Variants in TNS3 observed in about 807,000 individuals in gnomAD.
TNS3 encodes tensin 3, also known as tensin-3.
A neutral mutation model predicts 140.9 loss-of-function variants in TNS3; 45 were observed. The ratio of observed to expected loss-of-function variants is 0.32; its 90% confidence interval spans 0.25 to 0.41. TNS3 has a LOEUF of 0.41. TNS3 is among the 10% of genes least tolerant of loss of function. The probability of loss-of-function intolerance (pLI) is 1.00; values close to 1 mark genes in which losing one functional copy is unlikely to be tolerated. For synonymous variants in TNS3, 815 were observed against 788.4 expected, an observed-to-expected ratio of 1.03 and a Z score of -0.56; for missense variants, 1,716 against 1,906.7, an observed-to-expected ratio of 0.90 and a Z score of 1.86.
In TNS3 at chr7:47,346,286, A is replaced by C. The variant is rs1045978527; in HGVS notation, c.2352T>G (p.Ala784=). ...ATTTGGAGAAGGGCAGCTGCCCCCCAGCATCGTTGTCGTACTGCCCCAGGC... is the reference window on the plus strand; with the variant it reads ...ATTTGGAGAAGGGCAGCTGCCCCCCCGCATCGTTGTCGTACTGCCCCAGGC... The part of the protein sequence containing the change: ...KLSLGQYDND[A]GGQLPFSKCA... The change falls in exon 18 of 31, where the codon GCT becomes GCG. Residue 784 remains alanine (A), a synonymous_variant. Transcript: ENST00000311160. The C allele has an allele frequency of 1.2e-6, 2 of 1,614,202 alleles. No individual in the cohort carries two copies. The highest frequency in any genetic ancestry group is 2.2e-5 in the South Asian group (2 of 91,082).
Position 47,502,390 on chromosome 7 carries a change from G to A in TNS3, c.-115+4517C>T, listed in dbSNP as rs554575617. Among the ~76,000 whole-genome samples, 13 of 152,312 alleles carry A rather than the reference G, an allele frequency of 8.5e-5. No homozygotes were observed. The South Asian group carries it at 1.9e-3, about 22-fold the overall frequency. ...GTTAGGCCACTGAGCGTCTGTTGAC[G>A]CCCAGGATGAATGTCTAGGGACAGT... On this transcript the variant is annotated intron_variant, in intron 3 of 30. Transcript: ENST00000311160.
intron 1 of TNS3, among the ~76,000 whole-genome samples, chr7:47,578,704 G>C (rs1344047834): frequency 2.0e-5 from 3 of 152,222 alleles, no homozygotes; most frequent in Non-Finnish European, 4.4e-5. Context: ...TGCAGTGATG[G>C]ATGTGTACCA....
At chr7:47,573,201 C>T (rs1277522068) in intron 1 of TNS3, among the ~76,000 whole-genome samples, 2 of 152,206 alleles carry the variant, frequency 1.3e-5, no homozygotes, top group Non-Finnish European at 2.9e-5. Flanking sequence ...TGCTAATATG[C>T]CCTTTGTTGA....
At chr7:47,533,899 A>T (rs1229726543) in intron 1 of TNS3, among the ~76,000 whole-genome samples, 1 of 152,154 alleles carries the variant, frequency 6.6e-6, no homozygotes, top group Non-Finnish European at 1.5e-5. Context: ...AGTCCATTAA[A>T]TCCTTTTTCC....
chr7:47,431,608 C>T (rs1432377343), intron 8 of TNS3, among the ~76,000 whole-genome samples: 2 of 152,172 alleles, frequency 1.3e-5, no homozygotes, highest in Middle Eastern at 3.4e-3. Flanking sequence ...CAAAACAAAA[C>T]ACAAAACCTA....
chr7:47,283,006 G>C (rs7783545), intron 28 of TNS3, among the ~76,000 whole-genome samples: 62,167 of 151,962 alleles, frequency 0.41, 13,002 homozygotes, highest in Non-Finnish European at 0.44. Context: ...TGTGATGGCT[G>C]CTGCCATCAT....
chr7:47,575,120 C>T (rs77295175), intron 1 of TNS3, among the ~76,000 whole-genome samples: 3,259 of 152,246 alleles, frequency 0.021, 108 homozygotes, highest in African/African-American at 0.07. Context: ...CTACGATCTG[C>T]CCAAAGACCT....
intron 3 of TNS3, among the ~76,000 whole-genome samples, chr7:47,499,795 A>G (rs1424295370): frequency 6.6e-6 from 1 of 152,116 alleles, no homozygotes; most frequent in Admixed American, 6.5e-5. Flanking sequence ...CTTATCATGC[A>G]CCTGTCCAAA....
At chr7:47,461,661 G>A (rs1376674976) in intron 4 of TNS3, among the ~76,000 whole-genome samples, 3 of 152,254 alleles carry the variant, frequency 2.0e-5, no homozygotes, top group African/African-American at 7.2e-5. Context: ...TTCAAAAGCT[G>A]ACCAAATGAC....
chr7:47,323,878 A>C (rs1787885577), intron 20 of TNS3, among the ~76,000 whole-genome samples: 1 of 152,236 alleles, frequency 6.6e-6, no homozygotes, highest in East Asian at 1.9e-4. Context: ...AATGATAAAT[A>C]AATCCACAGT....
chr7:47,318,179 A>G (rs1787521891), intron 20 of TNS3, among the ~76,000 whole-genome samples: 2 of 152,234 alleles, frequency 1.3e-5, no homozygotes, highest in Admixed American at 6.5e-5. Context: ...GGAATCATAC[A>G]GAATTTGTCT....
In TNS3 at chr7:47,315,137, T is replaced by G. The variant is rs1389690517; in HGVS notation, c.2651-10134A>C. On this transcript the variant is annotated intron_variant, in intron 20 of 30. Transcript: ENST00000311160. ...ATCTTGGGCCCTGAACAGACGCTCC[T>G]TTTAGTTCCAGCATCCTGCTGGCTC... is the stretch of plus-strand genomic sequence containing the variant. Among the ~76,000 whole-genome samples the G allele has an allele frequency of 2.6e-5, 4 of 152,226 alleles. No homozygotes were observed. In the East Asian group the frequency reaches 7.7e-4, roughly 29 times the overall value.
chr7:47,412,099 G>A (rs2151414858), intron 12 of TNS3, among the ~76,000 whole-genome samples: 1 of 152,304 alleles, frequency 6.6e-6, no homozygotes, highest in East Asian at 1.9e-4. Context: ...GGGGCCCAGG[G>A]TGTGCACAGC....
At chr7:47,309,261 CTCTAA>C (rs1336686268) in intron 20 of TNS3, among the ~76,000 whole-genome samples, 2 of 152,142 alleles carry the variant, frequency 1.3e-5, no homozygotes, top group African/African-American at 4.8e-5. Flanking sequence ...AAGCATACAT[CTCTAA>C]TCTTTCATAT....
At position 47,543,463 on chromosome 7, in the gene TNS3, G is replaced by T. The variant is rs368422407; in HGVS notation, c.-264-14316C>A. Among the ~76,000 whole-genome samples the T allele has an allele frequency of 1.7e-4, 26 of 152,346 alleles. No homozygotes were observed. The East Asian group carries it at 3.3e-3, about 19-fold the overall frequency. On this transcript the variant is annotated intron_variant, in intron 1 of 30. Transcript: ENST00000311160. The stretch of plus-strand genomic sequence containing the variant: ...GACTTCCAGTCCCTGCGGTGAGGGG[G>T]CTTTCGCCCAGGCTCTTAGTGACCC...
At chr7:47,317,338 A>G (rs982181537) in intron 20 of TNS3, among the ~76,000 whole-genome samples, 2 of 152,254 alleles carry the variant, frequency 1.3e-5, no homozygotes, top group Non-Finnish European at 2.9e-5. Context: ...CTTTTAAGCA[A>G]TAACACAAAA....
intron 1 of TNS3, among the ~76,000 whole-genome samples, chr7:47,534,617 G>C (rs1304247391): frequency 6.6e-6 from 1 of 152,000 alleles, no homozygotes; most frequent in African/African-American, 2.4e-5. Context: ...TCTAATTTGC[G>C]GCCAAGACAG....
chr7:47,370,531 G>A (rs117506162), intron 16 of TNS3, among the ~76,000 whole-genome samples: 42 of 152,334 alleles, frequency 2.8e-4, no homozygotes, highest in Non-Finnish European at 5.9e-4. Context: ...TGAAGCATCA[G>A]CTGCTATTAT....
intron 16 of TNS3, among the ~76,000 whole-genome samples, chr7:47,378,727 A>T (rs1221912096): frequency 1.3e-5 from 2 of 152,178 alleles, no homozygotes; most frequent in Non-Finnish European, 2.9e-5. Context: ...AAGGGACCGA[A>T]GCATGTCCAA....
Sources: allele counts gnomAD v4.1 joint callset (sites outside exome capture counted in the v4.1 genomes callset), GRCh38; gene constraint gnomAD v4.1.1; transcripts MANE v1.5; gene names NCBI Gene and HGNC (gene_info 2026-07-23, HGNC 2026-07-21).